Variants in TPTE2 observed in about 807,000 individuals in gnomAD.
TPTE2 encodes transmembrane phosphoinositide 3-phosphatase and tensin homolog 2, also known as phosphatidylinositol 3,4,5-trisphosphate 3-phosphatase TPTE2.
A neutral mutation model predicts 78.6 loss-of-function variants in TPTE2; 53 were observed. That is an observed-to-expected ratio of 0.67 (90% CI 0.54 to 0.85). TPTE2 has a LOEUF of 0.85. Ranked by LOEUF, TPTE2 falls within the 40% of genes least tolerant of loss-of-function variation. TPTE2 has a pLI of 0.00. For synonymous variants in TPTE2, 175 were observed against 206.2 expected (o/e 0.85, Z 1.30); for missense variants, 461 against 623.0 (o/e 0.74, Z 2.77).
intron 1 of TPTE2, among the ~76,000 whole-genome samples, chr13:19,495,851 T>G (rs371278332): frequency 6.0e-4 from 92 of 152,232 alleles, no homozygotes; most frequent in African/African-American, 2.0e-3. Flanking sequence ...TTTTGTTTTT[T>G]TTGTTGTTGT....
chr13:19,451,344 G>T (rs1878173579), intron 10 of TPTE2, 119 bp from the exon 14 acceptor site: 2 of 1,215,470 alleles, frequency 1.6e-6, no homozygotes, highest in East Asian at 2.5e-5. Flanking sequence ...CATCTTCTAG[G>T]GGAGATTCAG....
chr13:19,530,689 C>T (rs773803249), intron 1 of TPTE2, among the ~76,000 whole-genome samples: 3 of 151,838 alleles, frequency 2.0e-5, no homozygotes, highest in Non-Finnish European at 4.4e-5. Flanking sequence ...GGACCATAGG[C>T]GCACACCATT....
intron 3 of TPTE2, among the ~76,000 whole-genome samples, chr13:19,492,232 G>T (rs548803438): frequency 6.6e-6 from 1 of 152,058 alleles, no homozygotes; most frequent in African/African-American, 2.4e-5. Flanking sequence ...AAGTACCCGC[G>T]CACCTGAGGA....
chr13:19,483,134 G>A (rs1202167421), intron 3 of TPTE2, among the ~76,000 whole-genome samples: 2 of 152,214 alleles, frequency 1.3e-5, no homozygotes, highest in Non-Finnish European at 1.5e-5. Context: ...GGTGGAGGGC[G>A]TTGCCTCCAT....
intron 1 of TPTE2, among the ~76,000 whole-genome samples, chr13:19,499,776 A>G (rs1227019988): frequency 2.0e-5 from 3 of 148,062 alleles, no homozygotes. Context: ...AAAAGCTAGC[A>G]GAAGGCAAGA....
intron 1 of TPTE2, among the ~76,000 whole-genome samples, chr13:19,531,179 GTACTTCTTTC>G: frequency 6.6e-6 from 1 of 152,060 alleles, no homozygotes; most frequent in African/African-American, 2.4e-5. Flanking sequence ...TATAAGAATT[GTACTTCTTTC>G]AAGGCTGAAT....
intron 2 of TPTE2, among the ~76,000 whole-genome samples, 183 bp downstream of exon 5, chr13:19,493,263 CTA>C (rs1881111004): frequency 6.6e-6 from 1 of 151,540 alleles, no homozygotes; most frequent in Admixed American, 6.6e-5. Context: ...TCTCCTTGGT[CTA>C]TGTTTCCATC....
At chr13:19,458,552 T>C (rs1023661931) in intron 10 of TPTE2, 16 of 402,132 alleles carry the variant, frequency 4.0e-5, no homozygotes, top group Non-Finnish European at 8.1e-5. Context: ...GGTGATGCCT[T>C]TGTTCTTATC....
At chr13:19,560,648 G>A in the TPTE2 span, 12 of 1,559,534 alleles carry the variant, frequency 7.7e-6, no homozygotes, top group Non-Finnish European at 9.7e-6. Flanking sequence ...GCAGGGTCGG[G>A]CAAGGCATAG....
intron 1 of TPTE2, among the ~76,000 whole-genome samples, chr13:19,514,105 C>G (rs1869634234): frequency 6.6e-6 from 1 of 152,150 alleles, no homozygotes; most frequent in Non-Finnish European, 1.5e-5. Flanking sequence ...CACCTTCTTT[C>G]TCCAAGCAGG....
At chr13:19,485,546 T>A (rs552526483) in intron 3 of TPTE2, among the ~76,000 whole-genome samples, 1 of 152,284 alleles carries the variant, frequency 6.6e-6, no homozygotes, top group East Asian at 1.9e-4. Context: ...GGTTCTTTGA[T>A]CTTCCTGGAA....
intron 1 of TPTE2, among the ~76,000 whole-genome samples, chr13:19,512,392 T>C (rs1869510563): frequency 1.3e-5 from 2 of 152,202 alleles, no homozygotes; most frequent in Non-Finnish European, 2.9e-5. Flanking sequence ...AAGTAGCTGT[T>C]AGACATTCTA....
At chr13:19,490,661 T>C (rs1271160788) in intron 3 of TPTE2, among the ~76,000 whole-genome samples, 1 of 152,240 alleles carries the variant, frequency 6.6e-6, no homozygotes, top group African/African-American at 2.4e-5. Context: ...CATGGATGTC[T>C]TTCCTGCCCC....
intron 5 of TPTE2, 133 bp downstream of exon 8, chr13:19,475,440 G>C (rs1879878225): frequency 5.2e-6 from 4 of 773,326 alleles, no homozygotes; most frequent in Non-Finnish European, 5.8e-6. Flanking sequence ...TAGCCAGGCT[G>C]GTCTTGAACT....
intron 19 of TPTE2, among the ~76,000 whole-genome samples, chr13:19,424,078 G>T (rs551153337): frequency 1.3e-5 from 2 of 152,314 alleles, no homozygotes; most frequent in African/African-American, 4.8e-5. Context: ...TGCCTTGCTG[G>T]ACTTAAGGAG....
At chr13:19,522,619 CTTTTTTT>C (rs57248346) in intron 1 of TPTE2, among the ~76,000 whole-genome samples, 1 of 121,648 alleles carries the variant, frequency 8.2e-6, no homozygotes, top group Non-Finnish European at 1.6e-5. Context: ...CTTTTTTTTT[CTTTTTTT>C]TTTTTTTTTT....
chr13:19,479,456 C>T (rs1489948099), intron 4 of TPTE2, among the ~76,000 whole-genome samples: 1 of 151,936 alleles, frequency 6.6e-6, no homozygotes, highest in African/African-American at 2.4e-5. Flanking sequence ...GGGATAAAAA[C>T]AAATCAATTA....
intron 10 of TPTE2, among the ~76,000 whole-genome samples, chr13:19,461,994 C>T (rs1178148799): frequency 7.1e-6 from 1 of 140,818 alleles, no homozygotes; most frequent in African/African-American, 2.7e-5. Context: ...GGAATTTGAT[C>T]TGTTTACATT....
At chr13:19,459,988 G>A (rs1878785769) in intron 10 of TPTE2, among the ~76,000 whole-genome samples, 1 of 152,166 alleles carries the variant, frequency 6.6e-6, no homozygotes, top group Non-Finnish European at 1.5e-5. Flanking sequence ...AACTTGTGAG[G>A]TGCCATGGAA....
Sources: gnomAD v4.1 joint callset for allele counts (sites outside exome capture counted in the v4.1 genomes callset) on GRCh38, gnomAD v4.1.1 for gene constraint, MANE v1.5 for transcripts, NCBI Gene and HGNC (gene_info 2026-07-23, HGNC 2026-07-21) for gene names.